The following RTN3 variants were observed in gnomAD, a reference collection of about 807,000 sequenced individuals.
RTN3 encodes reticulon-3.
In RTN3, 49 loss-of-function variants were observed where a neutral mutation model predicts 77.8. That is an observed-to-expected ratio of 0.63 (90% CI 0.50 to 0.80). The LOEUF (loss-of-function observed/expected upper bound fraction) is 0.80. RTN3 is among the 30% of genes least tolerant of loss of function. RTN3 has a pLI of 0.00. For synonymous variants in RTN3, 464 were observed against 446.9 expected (o/e 1.04, Z -0.48); for missense variants, 1,236 against 1,211.9 (o/e 1.02, Z -0.29).
At chr11:63,745,313 G>T (rs2013730233) in intron 3 of RTN3, among the ~76,000 whole-genome samples, 1 of 152,154 alleles carries the variant, frequency 6.6e-6, no homozygotes, top group African/African-American at 2.4e-5. Context: ...CTGTCTTTTG[G>T]TCATTAGCTT....
chr11:63,686,316 A>G (rs1941366380), intron 1 of RTN3, among the ~76,000 whole-genome samples: 4 of 151,798 alleles, frequency 2.6e-5, no homozygotes, highest in Admixed American at 2.6e-4. Flanking sequence ...TAAAAATACA[A>G]AAAATTAGCC....
At chr11:63,739,944 C>G (rs1229187970) in intron 3 of RTN3, among the ~76,000 whole-genome samples, 1 of 152,066 alleles carries the variant, frequency 6.6e-6, no homozygotes, top group African/African-American at 2.4e-5. Flanking sequence ...ATTTTCTGAT[C>G]AGGGAAGAAT....
chr11:63,722,491 T>C (rs79341070), intron 3 of RTN3, among the ~76,000 whole-genome samples: 1,707 of 152,258 alleles, frequency 0.011, 32 homozygotes, highest in African/African-American at 0.037. Context: ...ACATAGTAAA[T>C]ATGCAGTCAG....
chr11:63,703,337 A>G (rs905142411), intron 1 of RTN3, among the ~76,000 whole-genome samples: 3 of 152,092 alleles, frequency 2.0e-5, no homozygotes, highest in Non-Finnish European at 2.9e-5. Context: ...ACCAAGGTAT[A>G]GCTGTACCTC....
At chr11:63,752,425 A>G in intron 4 of RTN3, 82 bp from the exon 5 acceptor site, 2 of 1,401,156 alleles carry the variant, frequency 1.4e-6, no homozygotes, top group South Asian at 1.2e-5. Context: ...CCTGGGAACC[A>G]ATTTTACATT....
rs1035726363 is a variant in RTN3, at chr11:63,720,862, A to C, written c.2360A>C (p.Gln787Pro). 1.9e-6 allele frequency: 3 copies of C among 1,614,088 alleles called. No individual in the cohort carries two copies. Among genetic ancestry groups the C allele is most frequent in the Non-Finnish European group, 2.5e-6 (3 of 1,180,028 alleles). The change falls in exon 3 of 9, where the codon CAG (glutamine) becomes CCG (proline). Residue 787 changes from glutamine (Q) to proline (P), a missense_variant. Physicochemically the swap from Gln to Pro is moderately conservative, Grantham distance 76. Transcript: ENST00000377819. ...ACATTTGCTCCAGAATCTTGGCCAC[A>C]GAGATCATATGACATCCTAGAACGT... ...TFTFAPESWP[Q>P]RSYDILERNV...
At chr11:63,683,946 T>TC (rs1448809950) in intron 1 of RTN3, among the ~76,000 whole-genome samples, 3 of 115,226 alleles carry the variant, frequency 2.6e-5, no homozygotes, top group Non-Finnish European at 5.4e-5. Flanking sequence ...TTTCTTTCTT[T>TC]TTTTTTTTTT....
intron 4 of RTN3, among the ~76,000 whole-genome samples, chr11:63,751,219 G>A (rs923742509): frequency 1.3e-5 from 2 of 152,196 alleles, no homozygotes; most frequent in Non-Finnish European, 2.9e-5. Context: ...CTAGAGCAGC[G>A]CTCGGTTAGA....
intron 1 of RTN3, among the ~76,000 whole-genome samples, chr11:63,704,425 A>T (rs1410931248): frequency 6.6e-6 from 1 of 152,208 alleles, no homozygotes; most frequent in South Asian, 2.1e-4. Context: ...GATATTTTCA[A>T]ATGCTTATAT....
At chr11:63,713,776 C>T (rs149116417) in intron 2 of RTN3, among the ~76,000 whole-genome samples, 3 of 152,170 alleles carry the variant, frequency 2.0e-5, no homozygotes, top group East Asian at 1.9e-4. Context: ...GTTTTGATGG[C>T]GATTTGTTTT....
chr11:63,732,185 G>T (rs565109565), intron 3 of RTN3, among the ~76,000 whole-genome samples: 67 of 151,980 alleles, frequency 4.4e-4, no homozygotes, highest in Admixed American at 1.4e-3. Flanking sequence ...TGGAAACAGG[G>T]TCTTGCTCAG....
Position 63,719,519 on chromosome 11 carries a change from A to G in RTN3, c.1017A>G (p.Ile339Met), listed in dbSNP as rs1419838473. 1.9e-6 allele frequency: 3 copies of G among 1,614,082 alleles called. No individual in the cohort carries two copies. Among genetic ancestry groups the G allele is most frequent in the Non-Finnish European group, 2.5e-6 (3 of 1,180,028 alleles). Reference protein sequence around the residue: ...VNDMHNFTNEILTWDLVPQVK... With the variant: ...VNDMHNFTNEMLTWDLVPQVK... ...ATATGCATAACTTTACTAACGAAAT[A>G]CTGACTTGGGATCTGGTTCCCCAAG... Residue 339 changes from isoleucine (I) to methionine (M), a missense_variant, in exon 3 of 9, where the codon ATA becomes ATG. This residue lies in a region of RTN3 where 1,056 missense variants were observed against 990.4 expected (regional missense o/e 1.07). Transcript: ENST00000377819.
intron 3 of RTN3, among the ~76,000 whole-genome samples, chr11:63,729,769 A>G (rs1377235555): frequency 1.3e-5 from 2 of 150,596 alleles, no homozygotes; most frequent in Admixed American, 6.6e-5. Flanking sequence ...CTGTTTCTAC[A>G]TTTTTAATGT....
intron 3 of RTN3, among the ~76,000 whole-genome samples, chr11:63,734,807 A>T (rs2012974978): frequency 6.6e-6 from 1 of 150,876 alleles, no homozygotes; most frequent in Non-Finnish European, 1.5e-5. Context: ...TAGCCACTGA[A>T]TTATGGCAAT....
intron 3 of RTN3, among the ~76,000 whole-genome samples, chr11:63,721,574 C>CAA (rs768609092): frequency 2.7e-4 from 15 of 55,482 alleles, no homozygotes; most frequent in African/African-American, 7.4e-4. Flanking sequence ...GACTCTGTCT[C>CAA]AAAAAAAAAA....
rs1358097478 is a variant in RTN3 at position 63,718,830 on chromosome 11, A to G, written c.328A>G (p.Ser110Gly). ...TGGAGAAAAAAGCCATGTGTTAGGGAGCCAGCCTATTTTAGCCAAAGAAGG... is the reference window on the plus strand; with the variant it reads ...TGGAGAAAAAAGCCATGTGTTAGGGGGCCAGCCTATTTTAGCCAAAGAAGG... The part of the protein sequence containing the change: ...LHGEKSHVLG[S>G]QPILAKEGKD... Residue 110 changes from serine to glycine, a missense_variant, in exon 3 of 9, where the codon AGC becomes GGC. Physicochemically the swap from Ser to Gly is moderately conservative, Grantham distance 56. This residue lies in a region of RTN3 where 1,056 missense variants were observed against 990.4 expected (regional missense o/e 1.07). Transcript: ENST00000377819. 4 of 1,614,166 alleles carry G rather than the reference A, an allele frequency of 2.5e-6. No homozygotes were observed. The highest frequency in any genetic ancestry group is 3.4e-6 in the Non-Finnish European group (4 of 1,180,030).
chr11:63,681,469 C>A, upstream of RTN3: 1 of 653,478 alleles, frequency 1.5e-6, no homozygotes, highest in African/African-American at 1.9e-5. Context: ...CTCGCGCTCC[C>A]GCCCTCTAGC....
intron 1 of RTN3, among the ~76,000 whole-genome samples, chr11:63,692,177 C>A (rs1400181119): frequency 6.6e-6 from 1 of 152,052 alleles, no homozygotes; most frequent in Non-Finnish European, 1.5e-5. Flanking sequence ...TGCGCACCTC[C>A]ATGCCTGGCT....
At chr11:63,757,475 C>G (rs1451055128) in intron 8 of RTN3, among the ~76,000 whole-genome samples, 2 of 152,072 alleles carry the variant, frequency 1.3e-5, no homozygotes, top group African/African-American at 2.4e-5. Context: ...ATCCTCCCAC[C>G]CCAGCCTCCT....
Sources: gnomAD v4.1 joint callset for allele counts (sites outside exome capture counted in the v4.1 genomes callset) on GRCh38, gnomAD v4.1.1 for gene constraint, gnomAD v4.1.1 regional missense constraint, MANE v1.5 for transcripts, NCBI Gene and HGNC (gene_info 2026-07-23, HGNC 2026-07-21) for gene names.